The following EPM2A variants were observed in gnomAD, a reference collection of about 807,000 sequenced individuals.
EPM2A encodes EPM2A glucan phosphatase, laforin.
A neutral mutation model predicts 26.5 loss-of-function variants in EPM2A; 21 were observed. The ratio of observed to expected loss-of-function variants is 0.79; its 90% CI spans 0.56 to 1.14. The LOEUF (loss-of-function observed/expected upper bound fraction) is 1.14. Ranked by LOEUF, EPM2A falls within the 50% of genes most tolerant of loss-of-function variation. The pLI is 0.00. For missense variants in EPM2A, 458 were observed against 440.8 expected, an observed-to-expected ratio of 1.04 and a Z score of -0.35; for synonymous variants, 217 against 177.6, an observed-to-expected ratio of 1.22 and a Z score of -1.76.
intron 2 of EPM2A, among the ~76,000 whole-genome samples, chr6:145,607,372 C>A (rs1775284976): frequency 6.6e-6 from 1 of 152,092 alleles, no homozygotes; most frequent in Admixed American, 6.6e-5. Context: ...AAATTTAGTT[C>A]CAGGCTTGCT....
chr6:145,638,720 T>C (rs1776871266), intron 2 of EPM2A: 1 of 151,316 alleles, frequency 6.6e-6, no homozygotes, highest in Non-Finnish European at 1.5e-5. Flanking sequence ...TACTGAATCA[T>C]TGTATGGGAT....
At chr6:145,401,502 TTAATTAAGCA>T (rs1778485947) in intron 4 of EPM2A, among the ~76,000 whole-genome samples, 1 of 152,190 alleles carries the variant, frequency 6.6e-6, no homozygotes, top group Admixed American at 6.6e-5. Flanking sequence ...AGACACAATG[TTAATTAAGCA>T]TGATCCTATT....
intron 2 of EPM2A, among the ~76,000 whole-genome samples, chr6:145,538,742 G>C (rs1397432331): frequency 6.6e-6 from 1 of 152,216 alleles, no homozygotes; most frequent in African/African-American, 2.4e-5. Flanking sequence ...GTTTACAATT[G>C]ACCCTAGGTT....
downstream of EPM2A, among the ~76,000 whole-genome samples, chr6:145,497,757 T>C (rs898026996): frequency 5.9e-5 from 9 of 152,212 alleles, no homozygotes; most frequent in African/African-American, 2.2e-4. Flanking sequence ...GAGGCCCTAG[T>C]TAGGAAGTCC....
chr6:145,389,481 C>T lies in EPM2A; in HGVS notation c.556-5384G>A, dbSNP rs542367105. 7.9e-5 allele frequency among the ~76,000 whole-genome samples: 12 copies of T among 152,236 alleles called. No individual in the cohort carries two copies. The South Asian group carries it at 2.3e-3, about 29-fold the overall frequency. ...TGCTGGAATTACAAATGTGAGTCACCTCGCCTGGCCCATTCATCACCTTTT... is the reference window on the plus strand; with the variant it reads ...TGCTGGAATTACAAATGTGAGTCACTTCGCCTGGCCCATTCATCACCTTTT... On this transcript the variant is annotated intron_variant, in intron 4 of 4. Coordinates refer to the EPM2A transcript ENST00000638717.
chr6:145,515,199 GACT>G (rs946286630), intron 2 of EPM2A, among the ~76,000 whole-genome samples: 9 of 152,188 alleles, frequency 5.9e-5, no homozygotes, highest in African/African-American at 2.2e-4. Context: ...CCTTGGTAAT[GACT>G]ACAACTTATC....
intron 1 of EPM2A, among the ~76,000 whole-genome samples, chr6:145,713,525 A>G (rs1340892986): frequency 6.6e-6 from 1 of 152,232 alleles, no homozygotes; most frequent in African/African-American, 2.4e-5. Flanking sequence ...AGGGAAATCA[A>G]AACCACAATA....
intron 2 of EPM2A, among the ~76,000 whole-genome samples, chr6:145,585,272 TTA>T (rs1370240582): frequency 6.6e-6 from 1 of 152,156 alleles, no homozygotes; most frequent in African/African-American, 2.4e-5. Flanking sequence ...ATCTGTAGAC[TTA>T]TAGTTTTCAT....
At position 145,626,801 on chromosome 6, in the gene EPM2A, T is replaced by C. The variant is rs925297062; in HGVS notation, c.*615A>G. The C allele has an allele frequency of 1.0e-6, 1 of 986,130 alleles. No homozygotes were observed. Among genetic ancestry groups the C allele is most frequent in the African/African-American group, 1.7e-5 (1 of 57,360 alleles). 61.1% of individuals were successfully genotyped at this position (986,130 alleles called of 1,614,324 possible). On this transcript the variant is annotated 3_prime_UTR_variant, in exon 4 of 4. Coordinates refer to ENST00000367519, the MANE Select transcript of EPM2A (RefSeq NM_005670.4). ...AAAAACAACAACAAATGAGAGATAA[T>C]TCTACTTTAGTTGTTACACAGGGTT...
At chr6:145,601,065 A>G (rs1014251092) in intron 2 of EPM2A, among the ~76,000 whole-genome samples, 1 of 152,190 alleles carries the variant, frequency 6.6e-6, no homozygotes, top group East Asian at 1.9e-4. Flanking sequence ...CAGGGCTGCT[A>G]CCATATCTGT....
intron 4 of EPM2A, among the ~76,000 whole-genome samples, chr6:145,420,891 G>A (rs900973351): frequency 2.6e-5 from 4 of 151,922 alleles, no homozygotes; most frequent in South Asian, 2.1e-4. Context: ...TATTAGAAAC[G>A]CACTCCCAAG....
intron 2 of EPM2A, chr6:145,637,323 G>A (rs554144688): frequency 6.6e-6 from 1 of 152,152 alleles, no homozygotes; most frequent in East Asian, 1.9e-4. Flanking sequence ...CCTTTTGGTG[G>A]TGGTTGTCAT....
At chr6:145,656,131 A>C (rs1201090189) in intron 2 of EPM2A, among the ~76,000 whole-genome samples, 1 of 152,256 alleles carries the variant, frequency 6.6e-6, no homozygotes, top group Non-Finnish European at 1.5e-5. Flanking sequence ...AGCCACAGGA[A>C]GAGAAGCCTC....
In EPM2A at chr6:145,626,109, A is replaced by G; in HGVS notation, c.*1307T>C. 5 of 1,041,918 alleles carry G rather than the reference A, an allele frequency of 4.8e-6. No homozygotes were observed. The highest frequency in any genetic ancestry group is 5.8e-6 in the Non-Finnish European group (5 of 864,972). 64.5% of individuals were successfully genotyped at this position (1,041,918 alleles called of 1,614,324 possible). A position where few individuals can be genotyped will look rare whatever the true frequency, so the allele number is the denominator to read the frequency against. On this transcript the variant is annotated 3_prime_UTR_variant, in exon 4 of 4. Transcript: ENST00000367519. ...TATGATTATATATCACCTTGCACAT[A>G]GAGGCTCTCAATTAAAAAAACACTT...
At chr6:145,431,430 T>A (rs1383593030) in intron 4 of EPM2A, among the ~76,000 whole-genome samples, 1 of 152,144 alleles carries the variant, frequency 6.6e-6, no homozygotes, top group Non-Finnish European at 1.5e-5. Flanking sequence ...TGAGTTAGGT[T>A]CCAAACTGCC....
chr6:145,580,044 A>T (rs906103427), intron 2 of EPM2A, among the ~76,000 whole-genome samples: 2 of 152,130 alleles, frequency 1.3e-5, no homozygotes, highest in African/African-American at 2.4e-5. Flanking sequence ...CATTCTTAAA[A>T]TTTTTTTAAA....
intron 4 of EPM2A, among the ~76,000 whole-genome samples, chr6:145,407,649 T>G (rs1427517496): frequency 6.6e-6 from 1 of 152,180 alleles, no homozygotes; most frequent in East Asian, 1.9e-4. Flanking sequence ...GTTATGAGTC[T>G]AAAAGTTATT....
chr6:145,418,255 ATG>A, intron 4 of EPM2A, among the ~76,000 whole-genome samples: 1 of 152,326 alleles, frequency 6.6e-6, no homozygotes, highest in South Asian at 2.1e-4. Context: ...AGACAAATGG[ATG>A]CAAATTCCCA....
chr6:145,447,801 A>T (rs1779145189), intron 4 of EPM2A, among the ~76,000 whole-genome samples: 1 of 152,112 alleles, frequency 6.6e-6, no homozygotes, highest in Admixed American at 6.5e-5. Context: ...ATTGACAAAA[A>T]ATACTCAGAG....
Sources: allele counts gnomAD v4.1 joint callset (sites outside exome capture counted in the v4.1 genomes callset), GRCh38; gene constraint gnomAD v4.1.1; transcripts MANE v1.5; gene names NCBI Gene and HGNC (gene_info 2026-07-23, HGNC 2026-07-21).